IPCEF1: variants seen among roughly 807,000 people sequenced by gnomAD.
The protein encoded by IPCEF1 is interaction protein for cytohesin exchange factors 1, also known as interactor protein for cytohesin exchange factors 1.
In IPCEF1, 31 loss-of-function variants were observed where a neutral mutation model predicts 50.9. The ratio of observed to expected loss-of-function variants is 0.61; its 90% CI spans 0.46 to 0.82. The LOEUF is 0.82. IPCEF1 is among the 40% of genes least tolerant of loss of function. The pLI, the probability that IPCEF1 is intolerant of heterozygous loss-of-function variation, is 0.00. For synonymous variants in IPCEF1, 181 were observed against 192.0 expected, an observed-to-expected ratio of 0.94 and a Z score of 0.47; for missense variants, 458 against 514.0, an observed-to-expected ratio of 0.89 and a Z score of 1.05.
At chr6:154,301,593 T>C (rs889001959) in intron 1 of IPCEF1, among the ~76,000 whole-genome samples, 9 of 152,208 alleles carry the variant, frequency 5.9e-5, no homozygotes, top group African/African-American at 2.2e-4. Flanking sequence ...CAATAAACAG[T>C]ATTTATATAA....
At chr6:154,234,085 G>C (rs183324675) in intron 5 of IPCEF1, among the ~76,000 whole-genome samples, 1 of 152,276 alleles carries the variant, frequency 6.6e-6, no homozygotes, top group African/African-American at 2.4e-5. Context: ...ATGTGCACCT[G>C]TGGCCTCAAT....
At chr6:154,252,210 A>G (rs1781353941) in intron 3 of IPCEF1, among the ~76,000 whole-genome samples, 1 of 152,244 alleles carries the variant, frequency 6.6e-6, no homozygotes, top group Non-Finnish European at 1.5e-5. Flanking sequence ...ATCCAAAGGA[A>G]AACCAACATG....
intron 1 of IPCEF1, among the ~76,000 whole-genome samples, chr6:154,315,316 A>G (rs532515305): frequency 1.0e-3 from 155 of 152,342 alleles, no homozygotes; most frequent in African/African-American, 3.5e-3. Flanking sequence ...AAATATTTGT[A>G]GGGCCAGAGC....
intron 1 of IPCEF1, among the ~76,000 whole-genome samples, chr6:154,344,850 T>G (rs1783996291): frequency 6.6e-6 from 1 of 152,236 alleles, no homozygotes; most frequent in African/African-American, 2.4e-5. Flanking sequence ...TCTACACTGT[T>G]TACCATGACA....
chr6:154,328,194 C>T (rs114064075), intron 1 of IPCEF1, among the ~76,000 whole-genome samples: 2,310 of 152,184 alleles, frequency 0.015, 57 homozygotes, highest in African/African-American at 0.053. Context: ...CAAACCTGCA[C>T]ATCCTGTACG....
chr6:154,300,966 C>T (rs1389648916), intron 1 of IPCEF1, among the ~76,000 whole-genome samples: 2 of 152,180 alleles, frequency 1.3e-5, no homozygotes, highest in East Asian at 3.8e-4. Flanking sequence ...TTTTGTTAGA[C>T]TTAGCTCCAC....
intron 1 of IPCEF1, among the ~76,000 whole-genome samples, chr6:154,319,689 T>C (rs1783322835): frequency 6.6e-6 from 1 of 152,232 alleles, no homozygotes; most frequent in Non-Finnish European, 1.5e-5. Flanking sequence ...GGAAACATCT[T>C]ATTTAAATTT....
intron 1 of IPCEF1, among the ~76,000 whole-genome samples, chr6:154,354,670 A>G (rs1371667868): frequency 1.3e-5 from 2 of 152,024 alleles, no homozygotes; most frequent in Admixed American, 6.6e-5. Context: ...CTCCACCACC[A>G]TGTATCGCCA....
rs200649585 is a variant in IPCEF1 at position 154,331,037 on chromosome 6, C to T, written c.-62+25635G>A. On this transcript the variant is annotated intron_variant, in intron 1 of 11. Coordinates refer to ENST00000367220, the MANE Select transcript of IPCEF1 (RefSeq NM_001130700.2). ...AAAATAATAATTCAGGAGGCCGAGG[C>T]GGGTGGATCACTTGAGATCAGGAGT... Among the ~76,000 whole-genome samples the T allele has an allele frequency of 5.3e-4, 80 of 152,114 alleles. 1 individual carries two copies. The East Asian group carries it at 0.014, about 26-fold the overall frequency.
intron 3 of IPCEF1, among the ~76,000 whole-genome samples, chr6:154,252,726 T>C (rs545120107): frequency 6.6e-6 from 1 of 152,226 alleles, no homozygotes; most frequent in Admixed American, 6.5e-5. Context: ...CACTAGAGAT[T>C]TGGCAAAACC....
At chr6:154,216,520 T>G (rs1778406789) in intron 7 of IPCEF1, among the ~76,000 whole-genome samples, 1 of 152,182 alleles carries the variant, frequency 6.6e-6, no homozygotes, top group South Asian at 2.1e-4. Flanking sequence ...GATATGTTTT[T>G]GTATGTGCAT....
intron 5 of IPCEF1, among the ~76,000 whole-genome samples, chr6:154,244,596 T>G (rs1780883307): frequency 6.6e-6 from 1 of 152,176 alleles, no homozygotes; most frequent in Non-Finnish European, 1.5e-5. Flanking sequence ...GCCTAGTCTG[T>G]CAACACTGCT....
intron 1 of IPCEF1, among the ~76,000 whole-genome samples, chr6:154,314,534 C>T (rs542867093): frequency 8.0e-5 from 12 of 150,698 alleles, no homozygotes; most frequent in Non-Finnish European, 1.3e-4. Context: ...TTAAAACTTG[C>T]CCTTCCTCTT....
chr6:154,290,438 C>T (rs940813712), intron 1 of IPCEF1, among the ~76,000 whole-genome samples: 3 of 152,184 alleles, frequency 2.0e-5, no homozygotes, highest in Non-Finnish European at 4.4e-5. Context: ...AAGTTGTCCG[C>T]TTGGCACTTT....
intron 5 of IPCEF1, among the ~76,000 whole-genome samples, chr6:154,245,159 G>A (rs949766506): frequency 6.6e-6 from 1 of 152,124 alleles, no homozygotes; most frequent in Non-Finnish European, 1.5e-5. Context: ...ACAAGATGAA[G>A]AATGTATTCA....
intron 10 of IPCEF1, among the ~76,000 whole-genome samples, chr6:154,175,541 C>T (rs1800246571): frequency 6.6e-6 from 1 of 152,068 alleles, no homozygotes; most frequent in Non-Finnish European, 1.5e-5. Flanking sequence ...ATACTATAAA[C>T]ACCTCTACAC....
At chr6:154,196,760 A>G (rs1250934435) in intron 10 of IPCEF1, among the ~76,000 whole-genome samples, 1 of 152,222 alleles carries the variant, frequency 6.6e-6, no homozygotes, top group Non-Finnish European at 1.5e-5. Flanking sequence ...CTTTGTGAAA[A>G]TAATCAGTGA....
In IPCEF1 at chr6:154,342,835, G is replaced by T. The variant is rs183321616; in HGVS notation, c.-62+13837C>A. ...TCTTCAGAAAAACAGCTGCAAGGCT[G>T]AGTATGGTGGCTTATGCCTGTAATC... is the stretch of plus-strand genomic sequence containing the variant. On this transcript the variant is annotated intron_variant, in intron 1 of 11. Transcript: ENST00000367220. Among the ~76,000 whole-genome samples, 270 of 152,322 alleles carry T rather than the reference G, an allele frequency of 1.8e-3. 1 individual carries two copies. Among genetic ancestry groups the T allele is most frequent in the African/African-American group, 6.3e-3 (261 of 41,594 alleles).
intron 1 of IPCEF1, among the ~76,000 whole-genome samples, chr6:154,314,884 CT>C (rs11367569): frequency 0.13 from 18,121 of 137,858 alleles, 961 homozygotes; most frequent in South Asian, 0.28. Flanking sequence ...AGTGTGATTA[CT>C]TTTTTTTTTT....
Sources: gnomAD v4.1 joint callset for allele counts (sites outside exome capture counted in the v4.1 genomes callset) on GRCh38, gnomAD v4.1.1 for gene constraint, MANE v1.5 for transcripts, NCBI Gene and HGNC (gene_info 2026-07-23, HGNC 2026-07-21) for gene names.